SLC10A7: variants seen among roughly 807,000 people sequenced by gnomAD.
SLC10A7 encodes sodium/bile acid cotransporter 7.
Under a neutral mutation model 43.2 loss-of-function variants are expected in SLC10A7, and 29 were observed. The observed-to-expected ratio is 0.67, with a 90% CI of 0.50 to 0.92. SLC10A7 has a LOEUF of 0.92. Among genes scored for constraint, SLC10A7 ranks in the 40% least tolerant of loss-of-function variants. The pLI is 0.00. For missense variants in SLC10A7, 295 were observed against 403.2 expected (o/e 0.73, Z 2.30); for synonymous variants, 152 against 144.8 (o/e 1.05, Z -0.35).
intron 5 of SLC10A7, chr4:146,442,177 A>G (rs1181154034): frequency 1.0e-6 from 1 of 971,684 alleles, no homozygotes; most frequent in Non-Finnish European, 1.2e-6. Context: ...ATGATTAAAA[A>G]TGCTAAAACA....
intron 5 of SLC10A7, among the ~76,000 whole-genome samples, chr4:146,407,831 C>CAGAT (rs1188866750): frequency 6.6e-6 from 1 of 152,084 alleles, no homozygotes; most frequent in Non-Finnish European, 1.5e-5. Context: ...AAATACATGA[C>CAGAT]AGATAGCCGA....
Position 146,281,170 on chromosome 4 carries a change from T to C in SLC10A7, c.847+2022A>G, listed in dbSNP as rs77975407. Among the ~76,000 whole-genome samples the C allele has an allele frequency of 4.1e-3, 620 of 152,222 alleles. 3 individuals carry two copies. Among genetic ancestry groups the C allele is most frequent in the African/African-American group, 0.014 (590 of 41,548 alleles). ...TGGAGAGTACAAAGGACAGAAAATA[T>C]GACTTTAGGATTAAGAAAAATAAAA... On this transcript the variant is annotated intron_variant, in intron 10 of 11. Transcript: ENST00000335472.
intron 4 of SLC10A7, among the ~76,000 whole-genome samples, chr4:146,466,243 T>C (rs1261554184): frequency 6.6e-6 from 1 of 152,170 alleles, no homozygotes; most frequent in Non-Finnish European, 1.5e-5. Context: ...GAAATGCAAA[T>C]TGGAGTCCAG....
intron 2 of SLC10A7, among the ~76,000 whole-genome samples, chr4:146,515,822 A>T (rs1209682047): frequency 1.3e-5 from 2 of 148,534 alleles, no homozygotes; most frequent in Non-Finnish European, 3.0e-5. Context: ...AGGCAGGAGA[A>T]TCACTTGAAC....
At chr4:146,494,783 T>C (rs1200295152) in intron 4 of SLC10A7, among the ~76,000 whole-genome samples, 1 of 152,138 alleles carries the variant, frequency 6.6e-6, no homozygotes. Context: ...GCCTCTGGGA[T>C]TGGTGACTAA....
intron 10 of SLC10A7, among the ~76,000 whole-genome samples, chr4:146,279,867 C>T (rs77323545): frequency 0.016 from 2,413 of 152,126 alleles, 26 homozygotes; most frequent in Non-Finnish European, 0.023. Flanking sequence ...AGTACTAATA[C>T]GAAGAACTAA....
intron 2 of SLC10A7, among the ~76,000 whole-genome samples, chr4:146,511,005 T>C (rs570807991): frequency 6.6e-6 from 1 of 152,326 alleles, no homozygotes; most frequent in South Asian, 2.1e-4. Context: ...TCTCACTTAA[T>C]CCTCACAAGA....
chr4:146,272,065 G>T (rs1383508378), intron 10 of SLC10A7, among the ~76,000 whole-genome samples: 1 of 152,160 alleles, frequency 6.6e-6, no homozygotes, highest in Non-Finnish European at 1.5e-5. Context: ...ATGAGGGCAA[G>T]AACTTTTTTG....
chr4:146,311,286 G>T (rs1731960674), intron 6 of SLC10A7, among the ~76,000 whole-genome samples: 1 of 152,136 alleles, frequency 6.6e-6, no homozygotes, highest in Non-Finnish European at 1.5e-5. Flanking sequence ...AAGACAAATA[G>T]GTAGCAGTTC....
chr4:146,264,783 A>G (rs776251373), intron 10 of SLC10A7, among the ~76,000 whole-genome samples: 3 of 152,172 alleles, frequency 2.0e-5, no homozygotes, highest in Non-Finnish European at 2.9e-5. Context: ...TTCCACCTCT[A>G]GATTAAGTTA....
chr4:146,509,832 GTATA>G (rs1315373344), intron 3 of SLC10A7, 77 bp downstream of exon 3: 1 of 1,344,296 alleles, frequency 7.4e-7, no homozygotes, highest in Non-Finnish European at 1.0e-6. Flanking sequence ...AAGCCCTTTT[GTATA>G]TAGTTGCCAT....
At chr4:146,382,837 T>G (rs1737727072) in intron 5 of SLC10A7, among the ~76,000 whole-genome samples, 1 of 151,930 alleles carries the variant, frequency 6.6e-6, no homozygotes. Flanking sequence ...ATGAGAAAAA[T>G]CCAAAACTCA....
intron 5 of SLC10A7, among the ~76,000 whole-genome samples, chr4:146,389,751 C>T (rs1040561331): frequency 6.6e-6 from 1 of 152,174 alleles, no homozygotes. Context: ...AGATATGAAT[C>T]TCAGACTTGG....
At chr4:146,490,496 C>T (rs1735299424) in intron 4 of SLC10A7, among the ~76,000 whole-genome samples, 1 of 152,062 alleles carries the variant, frequency 6.6e-6, no homozygotes, top group East Asian at 1.9e-4. Context: ...TGTTAGTTTC[C>T]CAGGCTGTTT....
chr4:146,399,459 G>A (rs1396625279), intron 5 of SLC10A7, among the ~76,000 whole-genome samples: 2 of 152,126 alleles, frequency 1.3e-5, no homozygotes, highest in Non-Finnish European at 2.9e-5. Flanking sequence ...CAGCCAATGT[G>A]TGGAGTCAAA....
At chr4:146,484,657 T>A (rs962555818) in intron 4 of SLC10A7, among the ~76,000 whole-genome samples, 1 of 152,152 alleles carries the variant, frequency 6.6e-6, no homozygotes, top group Non-Finnish European at 1.5e-5. Context: ...CAATAGGTAA[T>A]AAAATTGTGC....
At chr4:146,257,258 C>A (rs1274428377) in intron 11 of SLC10A7, among the ~76,000 whole-genome samples, 5 of 152,304 alleles carry the variant, frequency 3.3e-5, no homozygotes, top group Middle Eastern at 3.4e-3. Context: ...AACTGTTCCA[C>A]AACCAACTCC....
intron 7 of SLC10A7, among the ~76,000 whole-genome samples, chr4:146,302,947 T>G (rs967612823): frequency 6.6e-5 from 10 of 152,192 alleles, no homozygotes; most frequent in African/African-American, 2.4e-4. Context: ...TCTTCAAGAA[T>G]GAGATACTTA....
rs189554537 is a variant in SLC10A7, at chr4:146,304,100, A to G, written c.555+1826T>C. On this transcript the variant is annotated intron_variant, in intron 7 of 11. Transcript: ENST00000335472. ...AAAATCCACTTGTTTTACAATTTGT[A>G]TGCTTATATGCTTACTACTAACTTG... Among the ~76,000 whole-genome samples the G allele has an allele frequency of 3.6e-5, 5 of 137,504 alleles. No individual in the cohort carries two copies. In the East Asian group the frequency reaches 1.0e-3, roughly 27 times the overall value. 90.2% of individuals were successfully genotyped at this position (137,504 alleles called of 152,430 possible).
Sources: allele counts gnomAD v4.1 joint callset (sites outside exome capture counted in the v4.1 genomes callset), GRCh38; gene constraint gnomAD v4.1.1; transcripts MANE v1.5; gene names NCBI Gene and HGNC (gene_info 2026-07-23, HGNC 2026-07-21).